GLI2: variants seen among roughly 807,000 people sequenced by gnomAD.
GLI2 encodes GLI family zinc finger 2.
In GLI2, 22 loss-of-function variants were observed where a neutral mutation model predicts 78.9. That is an observed-to-expected ratio of 0.28 (90% CI 0.20 to 0.40). GLI2 has a LOEUF of 0.40. Among genes scored for constraint, GLI2 ranks in the 10% least tolerant of loss-of-function variants. GLI2 has a pLI of 1.00. For missense variants in GLI2, 2,097 were observed against 2,213.2 expected (o/e 0.95, Z 1.05); for synonymous variants, 974 against 963.7 (o/e 1.01, Z -0.20).
At chr2:120,899,365 G>A (rs1678134294) in intron 2 of GLI2, among the ~76,000 whole-genome samples, 1 of 151,992 alleles carries the variant, frequency 6.6e-6, no homozygotes, top group East Asian at 1.9e-4. Flanking sequence ...TTGGAAGTAT[G>A]TTCTTTTTCT....
chr2:120,912,053 C>T (rs72837308), intron 2 of GLI2, among the ~76,000 whole-genome samples: 2,451 of 152,204 alleles, frequency 0.016, 24 homozygotes, highest in Non-Finnish European at 0.022. Context: ...TGTGACTGGA[C>T]CCACAAAGCA....
chr2:120,791,727 G>A (rs771733999), intron 1 of GLI2, among the ~76,000 whole-genome samples: 2 of 152,212 alleles, frequency 1.3e-5, no homozygotes, highest in Non-Finnish European at 2.9e-5. Context: ...GTGCACGTGT[G>A]TGGCTGCATA....
rs140746583 is a variant in GLI2 at position 120,775,354 on chromosome 2, G to A, written c.-30-21937G>A. 2.0e-3 allele frequency among the ~76,000 whole-genome samples: 308 copies of A among 152,306 alleles called. 3 individuals are homozygous for A. Among genetic ancestry groups the A allele is most frequent in the African/African-American group, 7.0e-3 (290 of 41,570 alleles). Reference sequence around the variant, plus strand: ...ATTTAATAATTATGCTTCGTGACGCGTGTGTTATTTATGTAGCCTCACCTC... The same window carrying A: ...ATTTAATAATTATGCTTCGTGACGCATGTGTTATTTATGTAGCCTCACCTC... On this transcript the variant is annotated intron_variant, in intron 1 of 13. Transcript: ENST00000361492.
At chr2:120,859,452 CTTTTTTTTT>C (rs57311162) in intron 2 of GLI2, among the ~76,000 whole-genome samples, 34,614 of 125,792 alleles carry the variant, frequency 0.28, 4,808 homozygotes, top group East Asian at 0.62. Context: ...ATACTCCCTC[CTTTTTTTTT>C]TTTTTTTTTT....
chr2:120,955,134 G>A, intron 4 of GLI2, 111 bp from the exon 5 acceptor site: 1 of 738,658 alleles, frequency 1.4e-6, no homozygotes, highest in Non-Finnish European at 2.4e-6. Context: ...CCCGACACCA[G>A]GTGTGCATTT....
At chr2:120,940,892 C>T (rs536829624) in intron 3 of GLI2, among the ~76,000 whole-genome samples, 6 of 152,236 alleles carry the variant, frequency 3.9e-5, no homozygotes, top group African/African-American at 7.2e-5. Flanking sequence ...TGGGTGCATG[C>T]GGGGCCCTGG....
At chr2:120,842,563 A>G (rs1417834551) in intron 2 of GLI2, among the ~76,000 whole-genome samples, 1 of 152,194 alleles carries the variant, frequency 6.6e-6, no homozygotes, top group South Asian at 2.1e-4. Context: ...GGTGCGTCCC[A>G]CATTTGAGAG....
intron 2 of GLI2, among the ~76,000 whole-genome samples, chr2:120,890,687 TAAAC>T (rs764797731): frequency 1.2e-4 from 19 of 152,170 alleles, no homozygotes; most frequent in Non-Finnish European, 2.5e-4. Flanking sequence ...TAGCGAAAAA[TAAAC>T]AAGGTAATTA....
intron 1 of GLI2, among the ~76,000 whole-genome samples, chr2:120,794,030 A>G (rs1414818870): frequency 1.3e-5 from 2 of 152,212 alleles, no homozygotes; most frequent in Non-Finnish European, 2.9e-5. Flanking sequence ...TCCGTTCTTC[A>G]CGGATGGAGC....
chr2:120,959,081 T>C (rs866119887), intron 5 of GLI2, among the ~76,000 whole-genome samples: 5 of 152,180 alleles, frequency 3.3e-5, no homozygotes, highest in African/African-American at 1.2e-4. Context: ...GGGGAGCAAC[T>C]TTGCCTTCCG....
intron 5 of GLI2, among the ~76,000 whole-genome samples, chr2:120,959,671 G>A (rs1681446931): frequency 6.6e-6 from 1 of 152,076 alleles, no homozygotes; most frequent in African/African-American, 2.4e-5. Context: ...TGTCTGTGGG[G>A]TGTCCCCCGG....
intron 2 of GLI2, among the ~76,000 whole-genome samples, chr2:120,819,239 ATT>A (rs10701244): frequency 0.014 from 1,658 of 116,680 alleles, 42 homozygotes; most frequent in African/African-American, 0.052. Context: ...ACTAATAGAG[ATT>A]TTTTTTTTTT....
intron 5 of GLI2, among the ~76,000 whole-genome samples, chr2:120,960,872 G>A (rs1010526127): frequency 1.3e-5 from 2 of 152,222 alleles, no homozygotes; most frequent in African/African-American, 4.8e-5. Context: ...GGTGGGTGAA[G>A]GCCCATTTCC....
Position 120,828,129 on chromosome 2 carries a change from C to T in GLI2, c.148+30661C>T, listed in dbSNP as rs571489403. 4.6e-5 allele frequency among the ~76,000 whole-genome samples: 7 copies of T among 152,358 alleles called. No individual in the cohort carries two copies. In the East Asian group the frequency reaches 1.2e-3, roughly 25 times the overall value. ...AAACACCCATGGACTTCTAAAGCTT[C>T]CGTGAACCTTGGGTCCTCCTGGTTC... On this transcript the variant is annotated intron_variant, in intron 2 of 13. Transcript: ENST00000361492.
chr2:120,827,117 C>T (rs1686105158), intron 2 of GLI2, among the ~76,000 whole-genome samples: 1 of 152,348 alleles, frequency 6.6e-6, no homozygotes, highest in Admixed American at 6.5e-5. Context: ...CGGATGAGTG[C>T]TTCAGGGACC....
chr2:120,782,127 G>C (rs750947582), intron 1 of GLI2, among the ~76,000 whole-genome samples: 1 of 152,188 alleles, frequency 6.6e-6, no homozygotes, highest in Non-Finnish European at 1.5e-5. Context: ...GTCTCGCTAC[G>C]ATAGCAATTT....
chr2:120,969,581 GC>G (rs1682033441), intron 6 of GLI2, among the ~76,000 whole-genome samples: 1 of 152,252 alleles, frequency 6.6e-6, no homozygotes, highest in Non-Finnish European at 1.5e-5. Context: ...AAAACCACAA[GC>G]AATTGTTCTC....
intron 2 of GLI2, among the ~76,000 whole-genome samples, chr2:120,915,848 A>G (rs1165845229): frequency 6.6e-6 from 1 of 152,024 alleles, no homozygotes; most frequent in Non-Finnish European, 1.5e-5. Flanking sequence ...TGGCACCCAG[A>G]CCCCTTGCAG....
intron 2 of GLI2, among the ~76,000 whole-genome samples, chr2:120,801,179 C>T (rs1406460193): frequency 2.6e-5 from 4 of 152,188 alleles, no homozygotes; most frequent in Non-Finnish European, 4.4e-5. Flanking sequence ...CACTCTGTCG[C>T]CCAGGCTAGA....
Sources: allele counts gnomAD v4.1 joint callset (sites outside exome capture counted in the v4.1 genomes callset), GRCh38; gene constraint gnomAD v4.1.1; transcripts MANE v1.5; gene names NCBI Gene and HGNC (gene_info 2026-07-23, HGNC 2026-07-21).